CELF2: variants seen among roughly 807,000 people sequenced by gnomAD.
The protein encoded by CELF2 is CUG triplet repeat RNA-binding protein 2.
A neutral mutation model predicts 62.6 loss-of-function variants in CELF2; 8 were observed. The ratio of observed to expected loss-of-function variants is 0.13; its 90% CI spans 0.07 to 0.23. The LOEUF (loss-of-function observed/expected upper bound fraction) is 0.23. Ranked by LOEUF, CELF2 falls within the 10% of genes least tolerant of loss-of-function variation. CELF2 has a pLI of 1.00. For missense variants in CELF2, 333 were observed against 671.0 expected, an observed-to-expected ratio of 0.50 and a Z score of 5.56; for synonymous variants, 258 against 250.0, an observed-to-expected ratio of 1.03 and a Z score of -0.30.
the CELF2 span, among the ~76,000 whole-genome samples, chr10:10,694,996 A>C: frequency 4.7e-5 from 7 of 150,434 alleles, no homozygotes; most frequent in Non-Finnish European, 5.9e-5. Flanking sequence ...TTAATTGGAG[A>C]ATTTAGTCCA....
At chr10:11,164,413 G>A (rs1443348096) in intron 1 of CELF2, among the ~76,000 whole-genome samples, 1 of 152,198 alleles carries the variant, frequency 6.6e-6, no homozygotes, top group Non-Finnish European at 1.5e-5. Context: ...TCTTCCAAAT[G>A]GGGATTTTGG....
chr10:10,512,823 G>C, the CELF2 span, among the ~76,000 whole-genome samples: 8 of 152,082 alleles, frequency 5.3e-5, no homozygotes, highest in African/African-American at 1.9e-4. Context: ...ACTGAATTTC[G>C]TTTGGCATCA....
At chr10:11,167,164 T>A (rs1233221356) in intron 2 of CELF2, among the ~76,000 whole-genome samples, 1 of 152,254 alleles carries the variant, frequency 6.6e-6, no homozygotes, top group Admixed American at 6.5e-5. Flanking sequence ...TTATTGGACA[T>A]ATTCTGATAC....
chr10:11,109,015 C>T (rs1344480907), intron 1 of CELF2, among the ~76,000 whole-genome samples: 1 of 152,182 alleles, frequency 6.6e-6, no homozygotes, highest in Non-Finnish European at 1.5e-5. Flanking sequence ...GTGTGTACTC[C>T]TGGATGACTT....
intron 1 of CELF2, among the ~76,000 whole-genome samples, chr10:10,831,996 G>A (rs972772506): frequency 6.8e-6 from 1 of 147,742 alleles, no homozygotes; most frequent in Non-Finnish European, 1.5e-5. Flanking sequence ...GGCCGGGCGC[G>A]GTGGCTCACA....
At chr10:10,836,023 G>T (rs576784605) in intron 1 of CELF2, among the ~76,000 whole-genome samples, 1 of 152,178 alleles carries the variant, frequency 6.6e-6, no homozygotes, top group South Asian at 2.1e-4. Context: ...ACATGTCAGC[G>T]TTGAGATAGT....
the CELF2 span, among the ~76,000 whole-genome samples, chr10:10,669,579 T>A: frequency 6.6e-6 from 1 of 152,216 alleles, no homozygotes; most frequent in Non-Finnish European, 1.5e-5. Flanking sequence ...TAATTTGCCA[T>A]GACTCCCTGG....
At chr10:11,004,890 A>C (rs2054927932), upstream of CELF2, among the ~76,000 whole-genome samples, 2 of 152,212 alleles carry the variant, frequency 1.3e-5, no homozygotes, top group Admixed American at 1.3e-4. The surrounding 1 kb of genome is among the most constrained non-coding windows in gnomAD (Gnocchi z 5.0). Context: ...CCTTTTTAGC[A>C]CACTGACCCA....
intron 8 of CELF2, among the ~76,000 whole-genome samples, chr10:11,282,064 G>T (rs2089069235): frequency 6.6e-6 from 1 of 152,164 alleles, no homozygotes; most frequent in Non-Finnish European, 1.5e-5. Flanking sequence ...GGACCTGGGG[G>T]GTAGAGTTAA....
the CELF2 span, among the ~76,000 whole-genome samples, chr10:10,557,108 C>T: frequency 0.099 from 9,829 of 99,072 alleles, no homozygotes; most frequent in South Asian, 0.16. Flanking sequence ...AGTCCTTGCC[C>T]ATGCCTATGT....
intron 1 of CELF2, among the ~76,000 whole-genome samples, chr10:11,134,574 C>T (rs1315434287): frequency 6.6e-6 from 1 of 152,180 alleles, no homozygotes; most frequent in Non-Finnish European, 1.5e-5. Flanking sequence ...GTCTTCCGTA[C>T]CAGGGCTGTT....
intron 1 of CELF2, among the ~76,000 whole-genome samples, chr10:10,813,737 T>C (rs2056161827): frequency 1.3e-5 from 2 of 152,234 alleles, no homozygotes; most frequent in Admixed American, 1.3e-4. Context: ...TCCAAATGGC[T>C]GTATTCCAAT....
At chr10:10,674,992 ATTG>A in the CELF2 span, among the ~76,000 whole-genome samples, 794 of 152,332 alleles carry the variant, frequency 5.2e-3, 3 homozygotes, top group Middle Eastern at 0.01. Context: ...CATAGTTGAA[ATTG>A]TTGTTGTGAT....
At chr10:11,308,114 A>G (rs2094359705) in intron 9 of CELF2, among the ~76,000 whole-genome samples, 1 of 152,186 alleles carries the variant, frequency 6.6e-6, no homozygotes, top group Non-Finnish European at 1.5e-5. Flanking sequence ...CTTCTCATCC[A>G]TTGTTTCTGC....
At chr10:10,907,880 C>T (rs567084082) in intron 1 of CELF2, among the ~76,000 whole-genome samples, 1 of 152,130 alleles carries the variant, frequency 6.6e-6, no homozygotes, top group South Asian at 2.1e-4. Flanking sequence ...TTTAATCTGC[C>T]CAGCATGGTC....
chr10:11,231,690 CTT>C (rs369230271), intron 3 of CELF2, among the ~76,000 whole-genome samples: 1,483 of 131,212 alleles, frequency 0.011, 38 homozygotes, highest in African/African-American at 0.038. Context: ...TGGTTGCTTT[CTT>C]TTTTTTTTTT....
At chr10:10,702,306 G>T in the CELF2 span, among the ~76,000 whole-genome samples, 2 of 152,132 alleles carry the variant, frequency 1.3e-5, no homozygotes, top group Admixed American at 6.5e-5. Context: ...AGAGAGGAAG[G>T]TATGCTTCAC....
chr10:11,111,626 A>G (rs142667187), intron 1 of CELF2, among the ~76,000 whole-genome samples: 1,984 of 152,220 alleles, frequency 0.013, 42 homozygotes, highest in Admixed American at 0.046. Context: ...GTCTGATATG[A>G]AGGCAGTCTC....
chr10:11,103,845 C>G (rs945384932), intron 1 of CELF2, among the ~76,000 whole-genome samples: 2 of 152,094 alleles, frequency 1.3e-5, no homozygotes, highest in Non-Finnish European at 2.9e-5. Context: ...AGTAGAAACT[C>G]TTCTGAGACA....
Sources: allele counts gnomAD v4.1 joint callset (sites outside exome capture counted in the v4.1 genomes callset), GRCh38; gene constraint gnomAD v4.1.1; non-coding constraint Gnocchi (gnomAD v3.1); transcripts MANE v1.5; gene names NCBI Gene and HGNC (gene_info 2026-07-23, HGNC 2026-07-21).